EXOC6B: variants seen among roughly 807,000 people sequenced by gnomAD.
The protein encoded by EXOC6B is SEC15 homolog B.
In EXOC6B, 54 loss-of-function variants were observed where a neutral mutation model predicts 113.5. The ratio of observed to expected loss-of-function variants is 0.48; its 90% CI spans 0.38 to 0.60. The LOEUF (loss-of-function observed/expected upper bound fraction) is 0.60. Ranked by LOEUF, EXOC6B falls within the 20% of genes least tolerant of loss-of-function variation. The pLI is 0.00. For missense variants in EXOC6B, 797 were observed against 977.5 expected, an observed-to-expected ratio of 0.82 and a Z score of 2.46; for synonymous variants, 357 against 339.0, an observed-to-expected ratio of 1.05 and a Z score of -0.58.
At chr2:72,207,414 C>T (rs1342183035) in intron 20 of EXOC6B, among the ~76,000 whole-genome samples, 1 of 152,132 alleles carries the variant, frequency 6.6e-6, no homozygotes, top group Non-Finnish European at 1.5e-5. Context: ...CCTCTATAAT[C>T]CAGTCTGATC....
intron 20 of EXOC6B, among the ~76,000 whole-genome samples, chr2:72,287,759 G>T (rs115698032): frequency 6.6e-6 from 1 of 152,148 alleles, no homozygotes; most frequent in Non-Finnish European, 1.5e-5. Flanking sequence ...ATAAACAGAA[G>T]ATCTGACTAT....
rs572730296 is a variant in EXOC6B at position 72,652,672 on chromosome 2, T to C, written c.669+65431A>G. On this transcript the variant is annotated intron_variant, in intron 6 of 21. Transcript: ENST00000272427. ...ATAAAGCATCTTATATAAATATATG[T>C]ATATATAAATGATTGTATACATTAT... 2.0e-4 allele frequency among the ~76,000 whole-genome samples: 30 copies of C among 148,944 alleles called. No homozygotes were observed. The South Asian group carries it at 6.3e-3, about 31-fold the overall frequency.
At chr2:72,308,447 A>G (rs1241925900) in intron 20 of EXOC6B, among the ~76,000 whole-genome samples, 1 of 152,256 alleles carries the variant, frequency 6.6e-6, no homozygotes, top group Non-Finnish European at 1.5e-5. Context: ...ATGGATAAGA[A>G]GGAATACGTT....
intron 18 of EXOC6B, among the ~76,000 whole-genome samples, chr2:72,448,917 TAGAG>T (rs1175480566): frequency 6.6e-6 from 1 of 152,200 alleles, no homozygotes; most frequent in Non-Finnish European, 1.5e-5. Context: ...TTTGGGCCGA[TAGAG>T]AGTGTCATTA....
rs138683700 is a variant in EXOC6B, at chr2:72,340,727, G to A, written c.2123-5707C>T. On this transcript the variant is annotated intron_variant, in intron 19 of 21. Transcript: ENST00000272427. ...CATGTTAGGTCACATGTGTTTTTTC[G>A]TGGGAATGAAAAAATAAGAGCTGTT... 5.0e-3 allele frequency among the ~76,000 whole-genome samples: 755 copies of A among 152,120 alleles called. 8 individuals are homozygous for A. Among genetic ancestry groups the A allele is most frequent in the African/African-American group, 0.017 (692 of 41,516 alleles).
At chr2:72,698,018 C>G (rs1346673772) in intron 6 of EXOC6B, among the ~76,000 whole-genome samples, 1 of 151,948 alleles carries the variant, frequency 6.6e-6, no homozygotes, top group African/African-American at 2.4e-5. Flanking sequence ...TTCAAAGAGA[C>G]AGGAAATAAG....
At chr2:72,537,909 T>C (rs938024889) in intron 8 of EXOC6B, among the ~76,000 whole-genome samples, 2 of 151,496 alleles carry the variant, frequency 1.3e-5, no homozygotes, top group Non-Finnish European at 2.9e-5. Flanking sequence ...GAGGGCTCAA[T>C]AAAATCATGG....
At position 72,825,144 on chromosome 2, in the gene EXOC6B, G is replaced by A. The variant is rs1876489; in HGVS notation, c.113+654C>T. Among the ~76,000 whole-genome samples, 85,678 of 151,890 alleles carry A rather than the reference G, an allele frequency of 0.56. 29,505 individuals are homozygous for A. The highest frequency in any genetic ancestry group is 0.92 in the East Asian group (4,761 of 5,160). On this transcript the variant is annotated intron_variant, in intron 1 of 21. Coordinates refer to ENST00000272427, the MANE Select transcript of EXOC6B (RefSeq NM_015189.3). The surrounding 1 kb of genome is among the most constrained non-coding windows in gnomAD (Gnocchi z 4.4). ...ACATCTCCAAATAAAATGGAGATGTGCGTGCAAAAAAAAATGATAACTGGG... is the reference window on the plus strand; with the variant it reads ...ACATCTCCAAATAAAATGGAGATGTACGTGCAAAAAAAAATGATAACTGGG...
chr2:72,411,114 T>C (rs899848410), intron 18 of EXOC6B, among the ~76,000 whole-genome samples: 1 of 151,904 alleles, frequency 6.6e-6, no homozygotes, highest in Non-Finnish European at 1.5e-5. Flanking sequence ...GAGGTGGAGG[T>C]GTGGGAGGGT....
At chr2:72,389,285 C>T (rs2105103661) in intron 18 of EXOC6B, among the ~76,000 whole-genome samples, 1 of 151,878 alleles carries the variant, frequency 6.6e-6, no homozygotes, top group East Asian at 1.9e-4. Flanking sequence ...CACAGTTTAT[C>T]TTGAATTATA....
intron 18 of EXOC6B, among the ~76,000 whole-genome samples, chr2:72,402,231 C>T (rs1046493474): frequency 3.9e-5 from 6 of 151,966 alleles, no homozygotes; most frequent in Admixed American, 2.0e-4. Context: ...GTTTAGGTAA[C>T]GTGCATGTTT....
chr2:72,416,756 C>G (rs551862580), intron 18 of EXOC6B, among the ~76,000 whole-genome samples: 9 of 152,276 alleles, frequency 5.9e-5, no homozygotes, highest in Admixed American at 5.9e-4. Context: ...TCTCCACAAA[C>G]ACACACACTC....
chr2:72,769,325 A>T (rs1335561529), intron 1 of EXOC6B, among the ~76,000 whole-genome samples: 1 of 152,198 alleles, frequency 6.6e-6, no homozygotes, highest in Non-Finnish European at 1.5e-5. Flanking sequence ...ACGAAATAAT[A>T]AGGATAATGT....
intron 6 of EXOC6B, among the ~76,000 whole-genome samples, chr2:72,650,071 T>C (rs557277703): frequency 6.6e-6 from 1 of 152,340 alleles, no homozygotes; most frequent in African/African-American, 2.4e-5. Flanking sequence ...CATTACCACC[T>C]GACTTCCGCC....
chr2:72,314,577 A>G (rs1051245392), intron 20 of EXOC6B, among the ~76,000 whole-genome samples: 9 of 152,318 alleles, frequency 5.9e-5, no homozygotes, highest in Admixed American at 3.9e-4. Context: ...ATTTATCAGC[A>G]GGTATGTATC....
rs1482172116 is a variant in EXOC6B, at chr2:72,825,867, G to A, written c.44C>T (p.Ala15Val). The change falls in exon 1 of 22, where the codon GCG becomes GTG. Residue 15 changes from alanine (A) to valine (V), a missense_variant. By Grantham distance (64) the Ala-to-Val change is moderately conservative. Transcript: ENST00000272427. The surrounding 1 kb of genome is among the most constrained non-coding windows in gnomAD (Gnocchi z 4.4). ...KMAEAESLETAAEHERILREI... is the reference protein window; with the variant it reads ...KMAEAESLETVAEHERILREI... ...TCGCAGGATCCGCTCGTGCTCTGCC[G>A]CTGTCTCCAGGCTCTCCGCCTCCGC... The A allele has an allele frequency of 1.9e-6, 3 of 1,613,406 alleles. No individual in the cohort carries two copies. Among genetic ancestry groups the A allele is most frequent in the East Asian group, 4.5e-5 (2 of 44,866 alleles).
intron 1 of EXOC6B, among the ~76,000 whole-genome samples, chr2:72,768,094 AGCCTGGGG>A (rs1683198801): frequency 6.7e-6 from 1 of 148,504 alleles, no homozygotes; most frequent in African/African-American, 2.5e-5. Context: ...TCCAGATTCC[AGCCTGGGG>A]GCCAGAGTGA....
chr2:72,735,500 T>C (rs1680890095), intron 2 of EXOC6B, among the ~76,000 whole-genome samples: 2 of 152,206 alleles, frequency 1.3e-5, no homozygotes, highest in African/African-American at 4.8e-5. Flanking sequence ...AGGAACCTAA[T>C]GAATGCTTCC....
chr2:72,226,851 A>G (rs537180646), intron 20 of EXOC6B, among the ~76,000 whole-genome samples: 5 of 152,190 alleles, frequency 3.3e-5, no homozygotes, highest in South Asian at 2.1e-4. Context: ...TATTATATAT[A>G]TTTGACATCT....
Sources: allele counts gnomAD v4.1 joint callset (sites outside exome capture counted in the v4.1 genomes callset), GRCh38; gene constraint gnomAD v4.1.1; non-coding constraint Gnocchi (gnomAD v3.1); transcripts MANE v1.5; gene names NCBI Gene and HGNC (gene_info 2026-07-23, HGNC 2026-07-21).